INF2: variants seen among roughly 807,000 people sequenced by gnomAD.
INF2 encodes inverted formin 2, also known as inverted formin-2.
INF2 carries 43 observed loss-of-function variants against 123.5 expected under a neutral mutation model. That is an observed-to-expected ratio of 0.35 (90% CI 0.27 to 0.45). The LOEUF is 0.45. Ranked by LOEUF, INF2 falls within the 20% of genes least tolerant of loss-of-function variation. The pLI is 1.00. For synonymous variants in INF2, 851 were observed against 745.0 expected (o/e 1.14, Z -2.32); for missense variants, 1,453 against 1,682.7 (o/e 0.86, Z 2.39).
chr14:104,710,085 C>T lies in INF2; in HGVS notation c.2139-3C>T, dbSNP rs1280476510. On this transcript the variant is annotated splice_region_variant and splice_polypyrimidine_tract_variant and intron_variant, in intron 12 of 22. Coordinates refer to ENST00000392634, the MANE Select transcript of INF2 (RefSeq NM_022489.4). The stretch of plus-strand genomic sequence containing the variant: ...CACTGATCCCTGTCTGTGCCATCCC[C>T]AGCTACCAGCTGCGAATCGAGTGCA... 3 of 1,549,756 alleles carry T rather than the reference C, an allele frequency of 1.9e-6. No homozygotes were observed. The Admixed American group carries it at 5.9e-5, about 30-fold the overall frequency.
At chr14:104,704,196 A>C in intron 5 of INF2, 9 of 1,427,118 alleles carry the variant, frequency 6.3e-6, no homozygotes, top group Non-Finnish European at 8.2e-6. Context: ...GAATGAGCTC[A>C]TATCCTTTGC....
chr14:104,714,295 C>G lies in INF2; in HGVS notation c.3133C>G (p.Arg1045Gly). The G allele has an allele frequency of 6.3e-7, 1 of 1,592,126 alleles. No homozygotes were observed. The highest frequency in any genetic ancestry group is 8.5e-7 in the Non-Finnish European group (1 of 1,170,648). The change falls in exon 21 of 23, where the codon CGG becomes GGG. Residue 1045 changes from arginine (R) to glycine (G), a missense_variant. Around this residue, in one of 8 missense-constraint regions of INF2, gnomAD observed 344 missense variants for 333.1 expected, o/e 1.03. Transcript: ENST00000392634. The stretch of plus-strand genomic sequence containing the variant: ...TGATGCTACAACAGCCAGCGAGTCC[C>G]GGGGCTGGGACCTTGTAGACGCCGT... Reference protein sequence around the residue: ...GLDATTASESRGWDLVDAVTP... With the variant: ...GLDATTASESGGWDLVDAVTP...
At chr14:104,694,456 C>G (rs1889090494) in intron 1 of INF2, among the ~76,000 whole-genome samples, 2 of 152,222 alleles carry the variant, frequency 1.3e-5, no homozygotes, top group South Asian at 2.1e-4. Flanking sequence ...AACGTCCTAG[C>G]TCCGTCCCAG....
Position 104,703,962 on chromosome 14 carries a change from T to C in INF2, c.701+13T>C. On this transcript the variant is annotated intron_variant, in intron 5 of 22. Transcript: ENST00000392634. ...TGGCTCGCCTGCGGTGAGTCCCCAC[T>C]GTAGCGGTCCTGCCGGCTCCCCCTC... 1 of 1,609,378 alleles carries C rather than the reference T, an allele frequency of 6.2e-7. No homozygotes were observed. The highest frequency in any genetic ancestry group is 8.5e-7 in the Non-Finnish European group (1 of 1,179,968).
intron 6 of INF2, among the ~76,000 whole-genome samples, 188 bp downstream of exon 6, chr14:104,706,364 G>A (rs1280949053): frequency 6.6e-6 from 1 of 152,118 alleles, no homozygotes; most frequent in African/African-American, 2.4e-5. Context: ...GGGAGGTGGC[G>A]CCTAGAGCGG....
chr14:104,710,407 G>A (rs934097465), intron 13 of INF2, among the ~76,000 whole-genome samples: 2 of 151,318 alleles, frequency 1.3e-5, no homozygotes, highest in East Asian at 1.9e-4. Flanking sequence ...ACCGCCACTC[G>A]GGCACGTGCA....
chr14:104,688,109 G>C (rs950914440), upstream of INF2, among the ~76,000 whole-genome samples: 2 of 152,264 alleles, frequency 1.3e-5, no homozygotes, highest in Non-Finnish European at 2.9e-5. Context: ...GCCGGAGGCC[G>C]GCCTTCCAGG....
rs955277897 is a variant in INF2, at chr14:104,714,817, G to A, written c.3655G>A (p.Gly1219Arg). The change falls in exon 21 of 23, where the codon GGG becomes AGG. Residue 1219 changes from glycine to arginine, a missense_variant. This residue lies in a region of INF2 where 344 missense variants were observed against 333.1 expected (regional missense o/e 1.03). Coordinates refer to ENST00000392634, the MANE Select transcript of INF2 (RefSeq NM_022489.4). ...RARGRASKGT[G>R]KRRKKRPSRS... ...CCGGGGCCGGGCCTCAAAGGGGACC[G>A]GGAAGCGAAGGAAGAAGCGTCCCTC... 18 of 1,593,508 alleles carry A rather than the reference G, an allele frequency of 1.1e-5. No individual in the cohort carries two copies. Among genetic ancestry groups the A allele is most frequent in the Non-Finnish European group, 1.3e-5 (15 of 1,172,628 alleles).
chr14:104,708,285 G>T, intron 8 of INF2, 151 bp from the exon 9 acceptor site: 7 of 1,012,368 alleles, frequency 6.9e-6, no homozygotes, highest in Non-Finnish European at 8.6e-6. Context: ...CTCAGGTAGG[G>T]AGGTAGGGTG....
rs1210902138 is a variant in INF2, at chr14:104,689,632, T to A, written c.-117T>A. 6.0e-5 allele frequency: 52 copies of A among 863,232 alleles called. No individual in the cohort carries two copies. The African/African-American group carries it at 9.3e-4, about 15-fold the overall frequency. The allele number at this position is 863,232 out of a possible 1,614,324, so 53.5% of individuals were successfully genotyped here. A position where few individuals can be genotyped will look rare whatever the true frequency, so the allele number is the denominator to read the frequency against. ...GCCCCGCGCCCGCCAGGAGCCACCG[T>A]CCGAGCCTTGCGGAGCGCGGCAGTG... On this transcript the variant is annotated 5_prime_UTR_variant, in exon 1 of 23. Coordinates refer to ENST00000392634, the MANE Select transcript of INF2 (RefSeq NM_022489.4).
upstream of INF2, among the ~76,000 whole-genome samples, chr14:104,688,756 CCA>C (rs1888771372): frequency 6.6e-6 from 1 of 152,210 alleles, no homozygotes; most frequent in Non-Finnish European, 1.5e-5. Flanking sequence ...CCAGTGGCCC[CCA>C]AACCCCAGGC....
chr14:104,687,915 C>G (rs774169141), upstream of INF2, among the ~76,000 whole-genome samples: 5 of 152,244 alleles, frequency 3.3e-5, no homozygotes, highest in African/African-American at 1.2e-4. The surrounding 1 kb of genome is among the most constrained non-coding windows in gnomAD (Gnocchi z 5.6). Context: ...TGCCCAGCAC[C>G]GCTGCCAGGC....
chr14:104,686,807 G>A (rs1888675520), upstream of INF2, among the ~76,000 whole-genome samples: 1 of 152,140 alleles, frequency 6.6e-6, no homozygotes, highest in Admixed American at 6.5e-5. Flanking sequence ...ATCAGGCTGG[G>A]AGGATTTCTC....
rs144319891 is a variant in INF2, at chr14:104,715,969, C to A, written c.*1+629C>A. 2,607 of 456,004 alleles carry A rather than the reference C, an allele frequency of 5.7e-3. 10 individuals are homozygous for A. The highest frequency in any genetic ancestry group is 0.012 in the Middle Eastern group (36 of 3,070). The allele number at this position is 456,004 out of a possible 1,614,324, so 28.2% of individuals were successfully genotyped here. On this transcript the variant is annotated intron_variant, in intron 22 of 22. Coordinates refer to ENST00000392634, the MANE Select transcript of INF2 (RefSeq NM_022489.4). ...GTCTATGGAGAAGCAGATTACCCCC[C>A]GCACACCGAGTCTTCTGGGGGGCGA... is the stretch of plus-strand genomic sequence containing the variant.
chr14:104,683,645 C>G (rs1218934574), intron 1 of INF2, among the ~76,000 whole-genome samples: 2 of 145,648 alleles, frequency 1.4e-5, no homozygotes, highest in Non-Finnish European at 3.0e-5. Flanking sequence ...CACACACACA[C>G]AAATTACCTC....
intron 1 of INF2, among the ~76,000 whole-genome samples, chr14:104,694,711 T>C (rs1245141489): frequency 6.6e-6 from 1 of 152,122 alleles, no homozygotes; most frequent in East Asian, 1.9e-4. Context: ...CCCCTGGCCG[T>C]GCTGGGTGCG....
chr14:104,703,120 A>C lies in INF2; in HGVS notation c.407A>C (p.Asn136Thr). The C allele has an allele frequency of 2.5e-6, 4 of 1,613,560 alleles. No homozygotes were observed. Among genetic ancestry groups the C allele is most frequent in the Non-Finnish European group, 3.4e-6 (4 of 1,179,888 alleles). ...ACCCTGGCAGCCCTGGACACATCCA[A>C]CGTGATGGTGAAGAAGCAGGTGTTT... ...RQLSQALDTS[N>T]VMVKKQVFEL... Residue 136 changes from asparagine to threonine, a missense_variant, in exon 3 of 23, where the codon AAC becomes ACC. By Grantham distance (65) the Asn-to-Thr change is moderately conservative. Coordinates refer to ENST00000392634, the MANE Select transcript of INF2 (RefSeq NM_022489.4).
rs1477656356 is a variant in INF2 at position 104,720,446 on chromosome 14, C to T, written c.*1653C>T. On this transcript the variant is annotated 3_prime_UTR_variant, in exon 23 of 23. Coordinates refer to ENST00000392634, the MANE Select transcript of INF2 (RefSeq NM_022489.4). The stretch of plus-strand genomic sequence containing the variant: ...GCTGCTGTGGACGTCTGCGTAGTCT[C>T]GTGTGGATGCTGCTGTGGACGTCTG... 1.3e-5 allele frequency: 1 copy of T among 75,598 alleles called. No homozygotes were observed. Among genetic ancestry groups the T allele is most frequent in the South Asian group, 5.7e-4 (1 of 1,756 alleles). 4.7% of individuals were successfully genotyped at this position (75,598 alleles called of 1,614,324 possible).
chr14:104,689,587 T>TCCAACCCCCC, upstream of INF2: 1 of 851,068 alleles, frequency 1.2e-6, no homozygotes, highest in Non-Finnish European at 1.4e-6. Context: ...CACCTCCTCT[T>TCCAACCCCCC]CCTCCCGCCC....
Sources: allele counts gnomAD v4.1 joint callset (sites outside exome capture counted in the v4.1 genomes callset), GRCh38; gene constraint gnomAD v4.1.1; regional missense constraint gnomAD v4.1.1; non-coding constraint Gnocchi (gnomAD v3.1); transcripts MANE v1.5; gene names NCBI Gene and HGNC (gene_info 2026-07-23, HGNC 2026-07-21).